TENM4: variants seen among roughly 807,000 people sequenced by gnomAD.
TENM4 encodes teneurin transmembrane protein 4, also known as teneurin-4.
A neutral mutation model predicts 243.3 loss-of-function variants in TENM4; 82 were observed. That is an observed-to-expected ratio of 0.34 (90% CI 0.28 to 0.40). The LOEUF (loss-of-function observed/expected upper bound fraction) is 0.40. Ranked by LOEUF, TENM4 falls within the 10% of genes least tolerant of loss-of-function variation. The probability of loss-of-function intolerance (pLI) is 1.00; values close to 1 mark genes in which losing one functional copy is unlikely to be tolerated. For missense variants in TENM4, 3,138 were observed against 3,673.3 expected (o/e 0.85, Z 3.77); for synonymous variants, 1,412 against 1,456.3 (o/e 0.97, Z 0.69).
intron 6 of TENM4, among the ~76,000 whole-genome samples, chr11:78,968,146 A>G (rs146155288): frequency 6.1e-4 from 93 of 152,266 alleles, no homozygotes; most frequent in Non-Finnish European, 1.0e-3. Flanking sequence ...CTCTATACTC[A>G]TGCTCTCTGT....
rs145910766 is a variant in TENM4, at chr11:79,214,338, C to G, written c.-163+1470G>C. Among the ~76,000 whole-genome samples the G allele has an allele frequency of 3.3e-5, 5 of 152,312 alleles. No individual in the cohort carries two copies. The South Asian group carries it at 1.0e-3, about 32-fold the overall frequency. On this transcript the variant is annotated intron_variant, in intron 3 of 33. Transcript: ENST00000278550. ...ATGGAGCTCCTCAGAGAACCTATGT[C>G]TCTACTGCACAGCATTGATCTCAGT...
chr11:79,398,233 G>A, intron 1 of TENM4, among the ~76,000 whole-genome samples: 1 of 151,534 alleles, frequency 6.6e-6, no homozygotes, highest in South Asian at 2.1e-4. Context: ...ACAACCCCCA[G>A]CACCATGAGT....
At chr11:78,684,607 C>T (rs892667467) in intron 29 of TENM4, among the ~76,000 whole-genome samples, 2 of 152,070 alleles carry the variant, frequency 1.3e-5, no homozygotes, top group Non-Finnish European at 2.9e-5. Flanking sequence ...GAATAGGGCC[C>T]CTTGTCTTTA....
intron 6 of TENM4, among the ~76,000 whole-genome samples, chr11:78,968,880 T>G (rs1488024450): frequency 2.0e-5 from 3 of 152,220 alleles, no homozygotes; most frequent in Non-Finnish European, 4.4e-5. Flanking sequence ...GAGAGGCCTG[T>G]CTATCAGGGA....
At chr11:79,065,691 C>T (rs1243552147) in intron 5 of TENM4, among the ~76,000 whole-genome samples, 1 of 152,190 alleles carries the variant, frequency 6.6e-6, no homozygotes, top group Non-Finnish European at 1.5e-5. Flanking sequence ...AAGGCTCTGC[C>T]TGCTGCTTCC....
At chr11:79,325,572 T>G (rs1237731185) in intron 1 of TENM4, among the ~76,000 whole-genome samples, 1 of 152,186 alleles carries the variant, frequency 6.6e-6, no homozygotes, top group Non-Finnish European at 1.5e-5. Context: ...CCCTGTCAAA[T>G]GCCTCTCTGT....
chr11:78,959,616 T>C (rs1857275474), intron 6 of TENM4, among the ~76,000 whole-genome samples: 1 of 152,118 alleles, frequency 6.6e-6, no homozygotes. Flanking sequence ...CCTTCAGGCA[T>C]GAGACATGCT....
chr11:78,927,408 A>G (rs1856575820), intron 6 of TENM4, among the ~76,000 whole-genome samples: 1 of 152,230 alleles, frequency 6.6e-6, no homozygotes, highest in African/African-American at 2.4e-5. Context: ...TCTACTAAAG[A>G]TAATTAAGCA....
chr11:78,848,406 G>C (rs1858453554), intron 12 of TENM4, among the ~76,000 whole-genome samples: 1 of 152,154 alleles, frequency 6.6e-6, no homozygotes, highest in East Asian at 1.9e-4. Context: ...AAACAGAACT[G>C]CTGGCTCCTT....
At chr11:78,702,610 CT>C (rs1343917907) in intron 27 of TENM4, among the ~76,000 whole-genome samples, 4 of 152,172 alleles carry the variant, frequency 2.6e-5, no homozygotes, top group Non-Finnish European at 4.4e-5. Flanking sequence ...ATGTGATGGT[CT>C]CATTAGACTG....
chr11:79,027,382 C>G lies in TENM4; in HGVS notation c.493+37356G>C, dbSNP rs551544931. 1.5e-4 allele frequency among the ~76,000 whole-genome samples: 23 copies of G among 152,292 alleles called. No homozygotes were observed. The South Asian group carries it at 4.4e-3, about 29-fold the overall frequency. On this transcript the variant is annotated intron_variant, in intron 6 of 33. Transcript: ENST00000278550. ...GCTGAAATTGGGGAATGTGGACTTT[C>G]CCTGGATCACACAACTCTTCTGTGG...
At chr11:79,114,550 A>G (rs1861577470) in intron 4 of TENM4, among the ~76,000 whole-genome samples, 1 of 152,210 alleles carries the variant, frequency 6.6e-6, no homozygotes, top group African/African-American at 2.4e-5. Flanking sequence ...GCCTGCTAAG[A>G]TCTGGTCCCC....
intron 4 of TENM4, among the ~76,000 whole-genome samples, chr11:79,083,500 C>A (rs912374588): frequency 2.6e-5 from 4 of 152,232 alleles, no homozygotes; most frequent in Non-Finnish European, 5.9e-5. Context: ...GTTGCCCAAG[C>A]CCCATCTGAT....
intron 29 of TENM4, among the ~76,000 whole-genome samples, chr11:78,676,960 G>A (rs1258926749): frequency 6.6e-6 from 1 of 152,160 alleles, no homozygotes; most frequent in Admixed American, 6.5e-5. Flanking sequence ...AGAGACGGTG[G>A]TTGCCAAAGG....
intron 6 of TENM4, among the ~76,000 whole-genome samples, chr11:79,044,846 C>G (rs1565180309): frequency 6.6e-6 from 1 of 152,184 alleles, no homozygotes; most frequent in Non-Finnish European, 1.5e-5. Context: ...TCCCCGGGGC[C>G]TGATCCTACG....
At chr11:79,123,599 C>CCTTT (rs1555012889) in intron 4 of TENM4, among the ~76,000 whole-genome samples, 2 of 143,748 alleles carry the variant, frequency 1.4e-5, no homozygotes, top group African/African-American at 5.1e-5. Flanking sequence ...GCAGTAGCCC[C>CCTTT]TTTTTTTTTT....
At chr11:79,294,576 C>T (rs1160782186) in intron 2 of TENM4, among the ~76,000 whole-genome samples, 3 of 151,908 alleles carry the variant, frequency 2.0e-5, no homozygotes, top group Non-Finnish European at 2.9e-5. Flanking sequence ...GGGCCAGGCG[C>T]GGTGGCTTGT....
chr11:79,350,428 CT>C (rs71278671), intron 1 of TENM4, among the ~76,000 whole-genome samples: 8,620 of 134,396 alleles, frequency 0.064, 338 homozygotes, highest in Middle Eastern at 0.091. Context: ...CCTTTCTTGG[CT>C]TTTTTTTTTT....
chr11:79,026,023 G>A (rs1859069371), intron 6 of TENM4, among the ~76,000 whole-genome samples: 2 of 152,154 alleles, frequency 1.3e-5, no homozygotes, highest in Non-Finnish European at 2.9e-5. Context: ...TCTAGATGCT[G>A]TAAGCCTTCG....
Sources: allele counts gnomAD v4.1 joint callset (sites outside exome capture counted in the v4.1 genomes callset), GRCh38; gene constraint gnomAD v4.1.1; transcripts MANE v1.5; gene names NCBI Gene and HGNC (gene_info 2026-07-23, HGNC 2026-07-21).